The following ALX4 variants were observed in gnomAD, a reference collection of about 807,000 sequenced individuals.
ALX4 encodes ALX homeobox 4.
In ALX4, 22 loss-of-function variants were observed where a neutral mutation model predicts 40.6. The observed-to-expected ratio is 0.54, with a 90% CI of 0.39 to 0.77. The LOEUF is 0.77. ALX4 is among the 30% of genes least tolerant of loss of function. ALX4 has a pLI of 0.00. For missense variants in ALX4, 556 were observed against 564.8 expected, an observed-to-expected ratio of 0.98 and a Z score of 0.16; for synonymous variants, 266 against 240.5, an observed-to-expected ratio of 1.11 and a Z score of -0.98.
chr11:44,270,008 C>T (rs1206505121), intron 2 of ALX4, among the ~76,000 whole-genome samples: 1 of 152,036 alleles, frequency 6.6e-6, no homozygotes, highest in Non-Finnish European at 1.5e-5. Context: ...CTGTGGGTTC[C>T]AGGTCCCCAT....
rs564477924 is a variant in ALX4 at position 44,267,830 on chromosome 11, A to G, written c.778-208T>C. Among the ~76,000 whole-genome samples, 8 of 152,128 alleles carry G rather than the reference A, an allele frequency of 5.3e-5. No individual in the cohort carries two copies. In the South Asian group the frequency reaches 1.7e-3, roughly 32 times the overall value. ...CCACTCTGAGCTGGGAAGGTATCTT[A>G]CCCCCACTAGCCATGGGCGTGATCC... On this transcript the variant is annotated intron_variant, in intron 2 of 3. Coordinates refer to ENST00000652299, the MANE Select transcript of ALX4 (RefSeq NM_021926.4).
At position 44,309,815 on chromosome 11, in the gene ALX4, G is replaced by T; in HGVS notation, c.248C>A (p.Ala83Glu). The T allele has an allele frequency of 3.9e-6, 6 of 1,552,400 alleles. No homozygotes were observed. Among genetic ancestry groups the T allele is most frequent in the Non-Finnish European group, 5.2e-6 (6 of 1,147,796 alleles). The change falls in exon 1 of 4, where the codon GCG (alanine) becomes GAG (glutamate). Residue 83 changes from alanine to glutamate, a missense_variant. Transcript: ENST00000652299. The part of the protein sequence containing the change: ...LATPLESGAG[A>E]RGSFNKFQPQ... ...CTGGAACTTGTTAAAGGAGCCCCGC[G>T]CCCCAGCTCCACTCTCCAGGGGTGT...
chr11:44,265,564 C>T (rs1036847395), intron 3 of ALX4, among the ~76,000 whole-genome samples: 1 of 152,188 alleles, frequency 6.6e-6, no homozygotes, highest in Admixed American at 6.5e-5. Context: ...CCCCAGGCCC[C>T]TCACATCCAT....
intron 1 of ALX4, among the ~76,000 whole-genome samples, chr11:44,285,711 G>C (rs1231825965): frequency 6.6e-6 from 1 of 151,526 alleles, no homozygotes; most frequent in Admixed American, 6.6e-5. Flanking sequence ...TTTTAACTAT[G>C]GAACATTTTA....
intron 1 of ALX4, among the ~76,000 whole-genome samples, chr11:44,308,788 G>A (rs1364377360): frequency 6.6e-6 from 1 of 152,210 alleles, no homozygotes. Flanking sequence ...ACAGCTCTGG[G>A]CCACCTGGGA....
intron 1 of ALX4, among the ~76,000 whole-genome samples, chr11:44,296,613 C>T (rs1956403798): frequency 6.6e-6 from 1 of 152,188 alleles, no homozygotes; most frequent in Non-Finnish European, 1.5e-5. Flanking sequence ...AGGAAACAAA[C>T]AACCCCATTC....
chr11:44,296,477 A>C (rs554179100), intron 1 of ALX4, among the ~76,000 whole-genome samples: 2 of 152,354 alleles, frequency 1.3e-5, no homozygotes, highest in East Asian at 3.9e-4. Flanking sequence ...TCAAAATGTA[A>C]AACTTCTGTG....
intron 1 of ALX4, among the ~76,000 whole-genome samples, chr11:44,302,667 C>A (rs946372805): frequency 5.9e-5 from 9 of 152,166 alleles, no homozygotes; most frequent in African/African-American, 2.2e-4. Flanking sequence ...AAGACACTTG[C>A]TTACCCCCTC....
chr11:44,290,742 AG>A (rs1956364294), intron 1 of ALX4, among the ~76,000 whole-genome samples: 1 of 152,222 alleles, frequency 6.6e-6, no homozygotes, highest in Non-Finnish European at 1.5e-5. Flanking sequence ...CTGCCACAGA[AG>A]GGTATCCTTG....
At position 44,309,671 on chromosome 11, in the gene ALX4, G is replaced by T. The variant is rs776145976; in HGVS notation, c.392C>A (p.Thr131Lys). The T allele has an allele frequency of 8.8e-6, 14 of 1,591,752 alleles. No homozygotes were observed. The highest frequency in any genetic ancestry group is 1.2e-5 in the Non-Finnish European group (14 of 1,173,480). Residue 131 changes from threonine (T) to lysine (K), a missense_variant, in exon 1 of 4, where the codon ACG becomes AAG. Transcript: ENST00000652299. Reference protein sequence around the residue: ...HLYLQRGACKTPPDGSLKLQE... With the variant: ...HLYLQRGACKKPPDGSLKLQE... ...GAGTTTGAGGCTGCCGTCCGGGGGC[G>T]TCTTGCAGGCGCCTCGCTGCAAGTA...
At chr11:44,288,226 G>A (rs762462967) in intron 1 of ALX4, among the ~76,000 whole-genome samples, 3 of 152,014 alleles carry the variant, frequency 2.0e-5, no homozygotes, top group Non-Finnish European at 4.4e-5. Context: ...TATATCGTAT[G>A]CATGTATATC....
rs770353383 is a variant in ALX4, at chr11:44,267,457, C to G, written c.906+37G>C. The G allele has an allele frequency of 2.5e-6, 4 of 1,611,418 alleles. No homozygotes were observed. The South Asian group carries it at 4.4e-5, about 18-fold the overall frequency. On this transcript the variant is annotated intron_variant, in intron 3 of 3. Transcript: ENST00000652299. The stretch of plus-strand genomic sequence containing the variant: ...GGGCTCATTCTCAGAGCACCAGGGG[C>G]TGGGGATCGGTGGCGGCAGCTCAGG...
chr11:44,278,808 G>T (rs1024715940), intron 1 of ALX4, among the ~76,000 whole-genome samples: 1 of 152,234 alleles, frequency 6.6e-6, no homozygotes, highest in African/African-American at 2.4e-5. Context: ...CAGCAGCCAG[G>T]ACTGTCCCTG....
Sources: allele counts gnomAD v4.1 joint callset (sites outside exome capture counted in the v4.1 genomes callset), GRCh38; gene constraint gnomAD v4.1.1; transcripts MANE v1.5; gene names NCBI Gene and HGNC (gene_info 2026-07-23, HGNC 2026-07-21).